KLHL28: variants seen among roughly 807,000 people sequenced by gnomAD.
KLHL28 encodes the protein kelch-like protein 28.
In KLHL28, 22 loss-of-function variants were observed where a neutral mutation model predicts 48.3. That is an observed-to-expected ratio of 0.46 (90% CI 0.33 to 0.65). The LOEUF is 0.65. Ranked by LOEUF, KLHL28 falls within the 30% of genes least tolerant of loss-of-function variation. The pLI is 0.03. For synonymous variants in KLHL28, 243 were observed against 242.4 expected, an observed-to-expected ratio of 1.00 and a Z score of -0.02; for missense variants, 527 against 704.3, an observed-to-expected ratio of 0.75 and a Z score of 2.85.
At chr14:44,950,321 G>C (rs1368747154) in intron 1 of KLHL28, among the ~76,000 whole-genome samples, 1 of 152,076 alleles carries the variant, frequency 6.6e-6, no homozygotes, top group Non-Finnish European at 1.5e-5. Context: ...TGTCTTCTCT[G>C]ATACCCTGGG....
Position 44,931,355 on chromosome 14 carries a change from T to C in KLHL28, c.1530A>G (p.Arg510=). 6.2e-7 allele frequency: 1 copy of C among 1,613,034 alleles called. No homozygotes were observed. Among genetic ancestry groups the C allele is most frequent in the Non-Finnish European group, 8.5e-7 (1 of 1,179,044 alleles). The change falls in exon 4 of 5, where the codon AGA becomes AGG. Residue 510 remains arginine (R), a synonymous_variant. Coordinates refer to ENST00000396128, the MANE Select transcript of KLHL28 (RefSeq NM_017658.5). ...TACCTGTTCTAGGTTCTTTCATTGG[T>C]CTACACACAGTCCACTGATTTTGAT... is the stretch of plus-strand genomic sequence containing the variant. ...DPHQNQWTVC[R]PMKEPRTGVG...
At chr14:44,940,173 G>C (rs1204326797) in intron 2 of KLHL28, among the ~76,000 whole-genome samples, 2 of 152,152 alleles carry the variant, frequency 1.3e-5, no homozygotes, top group African/African-American at 4.8e-5. Context: ...GCCCACTCCT[G>C]AGATAACTAA....
chr14:44,956,046 T>G (rs1185581998), intron 1 of KLHL28, among the ~76,000 whole-genome samples: 1 of 152,224 alleles, frequency 6.6e-6, no homozygotes, highest in Non-Finnish European at 1.5e-5. Context: ...TGAAACCTAG[T>G]AAACAAAGAG....
At chr14:44,940,634 T>C (rs909043370) in intron 2 of KLHL28, among the ~76,000 whole-genome samples, 1 of 152,114 alleles carries the variant, frequency 6.6e-6, no homozygotes, top group Admixed American at 6.6e-5. Context: ...ACAAGTGCTG[T>C]TTTAAACCCT....
At chr14:44,929,277 G>T in intron 4 of KLHL28, 86 bp from the exon 5 acceptor site, 1 of 1,157,920 alleles carries the variant, frequency 8.6e-7, no homozygotes, top group Non-Finnish European at 1.2e-6. Context: ...GTATTTTAAT[G>T]TTTTATTAAA....
At chr14:44,942,534 CT>C (rs934286278) in intron 2 of KLHL28, among the ~76,000 whole-genome samples, 435 of 143,900 alleles carry the variant, frequency 3.0e-3, no homozygotes, top group Middle Eastern at 3.7e-3. Flanking sequence ...ACATAAAAGT[CT>C]TTTTTTTTTT....
At chr14:44,956,196 A>C (rs75807858) in intron 1 of KLHL28, among the ~76,000 whole-genome samples, 7,073 of 152,188 alleles carry the variant, frequency 0.046, 541 homozygotes, top group African/African-American at 0.16. Context: ...CCTGGTCTTA[A>C]GCGATCCTCC....
chr14:44,933,363 T>G (rs999277571), intron 3 of KLHL28, among the ~76,000 whole-genome samples: 14 of 149,908 alleles, frequency 9.3e-5, no homozygotes, highest in Non-Finnish European at 1.6e-4. Flanking sequence ...CAGGCTGGAG[T>G]GTAGTAGTGC....
At chr14:44,960,911 C>T (rs917535135) in intron 1 of KLHL28, 10 of 1,542,364 alleles carry the variant, frequency 6.5e-6, no homozygotes, top group Non-Finnish European at 8.8e-6. Flanking sequence ...GGTAGGAATA[C>T]TTGCATTTGA....
rs200736260 is a variant in KLHL28, at chr14:44,933,313, CT to C, written c.1343+801del. Among the ~76,000 whole-genome samples the C allele has an allele frequency of 9.8e-3, 1,356 of 137,936 alleles. 4 individuals are homozygous for C. The highest frequency in any genetic ancestry group is 0.012 in the African/African-American group (474 of 37,998). 90.5% of individuals were successfully genotyped at this position (137,936 alleles called of 152,430 possible). The stretch of plus-strand genomic sequence containing the variant: ...ATACAATCTTTTCTTTTCTTTCTTT[CT>C]TTTTTTTTTTTTTTGAGACAGGGTC... On this transcript the variant is annotated intron_variant, in intron 3 of 4. Coordinates refer to ENST00000396128, the MANE Select transcript of KLHL28 (RefSeq NM_017658.5).
intron 1 of KLHL28, chr14:44,960,964 G>A: frequency 7.4e-7 from 1 of 1,356,428 alleles, no homozygotes; most frequent in Non-Finnish European, 1.0e-6. Flanking sequence ...TAGACTTTTC[G>A]CACGAGTCAT....
chr14:44,936,962 G>GA (rs1267683465), intron 2 of KLHL28, among the ~76,000 whole-genome samples: 1 of 152,044 alleles, frequency 6.6e-6, no homozygotes, highest in Admixed American at 6.6e-5. Flanking sequence ...AAGCTGGCAA[G>GA]AAAAAACCAC....
At chr14:44,932,694 T>C (rs79049744) in intron 3 of KLHL28, among the ~76,000 whole-genome samples, 2,922 of 152,302 alleles carry the variant, frequency 0.019, 89 homozygotes, top group African/African-American at 0.066. Context: ...ACCAAAATCA[T>C]TGAAGAAGAG....
rs1883337372 is a variant in KLHL28, at chr14:44,925,179, A to C, written c.*3849T>G. ...CTACAGAGGTTATGAGGTTATCACA[A>C]GTTTACTGAACTTTAAGCAGTAAGT... On this transcript the variant is annotated 3_prime_UTR_variant, in exon 5 of 5. Transcript: ENST00000396128. The C allele has an allele frequency of 6.6e-6, 1 of 152,210 alleles. No individual in the cohort carries two copies. Among genetic ancestry groups the C allele is most frequent in the Non-Finnish European group, 1.5e-5 (1 of 67,992 alleles). The allele number at this position is 152,210 out of a possible 1,614,324, so 9.4% of individuals were successfully genotyped here.
chr14:44,946,029 G>C (rs1884321266), intron 1 of KLHL28, 101 bp from the exon 2 acceptor site: 2 of 957,112 alleles, frequency 2.1e-6, no homozygotes, highest in Admixed American at 5.3e-5. Flanking sequence ...TAATTTATTT[G>C]TCTGTTCATT....
Position 44,934,628 on chromosome 14 carries a change from CTTA to C in KLHL28, c.900-73_900-71del, listed in dbSNP as rs757639925. The C allele has an allele frequency of 4.3e-6, 5 of 1,173,222 alleles. No individual in the cohort carries two copies. In the East Asian group the frequency reaches 1.0e-4, roughly 24 times the overall value. The allele number at this position is 1,173,222 out of a possible 1,614,324, so 72.7% of individuals were successfully genotyped here. On this transcript the variant is annotated intron_variant, in intron 2 of 4. Transcript: ENST00000396128. ...GCCCATAAAGACAGATATGTTTAAT[CTTA>C]TTAGTAATCAGGGACACAAAAATTA...
rs1164188344 is a variant in KLHL28, at chr14:44,945,207, T to C, written c.722A>G (p.Asn241Ser). The C allele has an allele frequency of 1.2e-6, 2 of 1,614,162 alleles. No homozygotes were observed. Among genetic ancestry groups the C allele is most frequent in the Admixed American group, 1.7e-5 (1 of 60,014 alleles). ...VKFLTRLYEANHLIRDDRTCK... is the reference protein window; with the variant it reads ...VKFLTRLYEASHLIRDDRTCK... ...AGTGCGATCATCACGAATAAGATGA[T>C]TTGCTTCATATAGTCTAGTGAGAAA... is the stretch of plus-strand genomic sequence containing the variant. The change falls in exon 2 of 5, where the codon AAT becomes AGT. Residue 241 changes from asparagine (N) to serine (S), a missense_variant. By Grantham distance (46) the Asn-to-Ser change is conservative (BLOSUM62 1). Transcript: ENST00000396128.
intron 1 of KLHL28, among the ~76,000 whole-genome samples, chr14:44,947,552 TCTCA>T (rs1470667247): frequency 1.3e-5 from 2 of 152,152 alleles, no homozygotes; most frequent in Non-Finnish European, 2.9e-5. Flanking sequence ...TTCCTTCCTG[TCTCA>T]CTCACATTTC....
In KLHL28 at chr14:44,925,161, G is replaced by A. The variant is rs868597856; in HGVS notation, c.*3867C>T. On this transcript the variant is annotated 3_prime_UTR_variant, in exon 5 of 5. Transcript: ENST00000396128. ...AATTCCTTAACTTTTAGACTACAGAGGTTATGAGGTTATCACAAGTTTACT... is the reference window on the plus strand; with the variant it reads ...AATTCCTTAACTTTTAGACTACAGAAGTTATGAGGTTATCACAAGTTTACT... 2.6e-5 allele frequency: 4 copies of A among 152,238 alleles called. No homozygotes were observed. The highest frequency in any genetic ancestry group is 6.6e-5 in the Admixed American group (1 of 15,266). 9.4% of individuals were successfully genotyped at this position (152,238 alleles called of 1,614,324 possible).
Sources: allele counts gnomAD v4.1 joint callset (sites outside exome capture counted in the v4.1 genomes callset), GRCh38; gene constraint gnomAD v4.1.1; transcripts MANE v1.5; gene names NCBI Gene and HGNC (gene_info 2026-07-23, HGNC 2026-07-21).